Variants in AGTPBP1 observed in about 807,000 individuals in gnomAD.
AGTPBP1 encodes the protein ATP/GTP binding carboxypeptidase 1.
Under a neutral mutation model 143.9 loss-of-function variants are expected in AGTPBP1, and 70 were observed. The ratio of observed to expected loss-of-function variants is 0.49; its 90% CI spans 0.40 to 0.59. The LOEUF (loss-of-function observed/expected upper bound fraction) is 0.59. Among genes scored for constraint, AGTPBP1 ranks in the 20% least tolerant of loss-of-function variants. The probability of loss-of-function intolerance (pLI) is 0.00; values close to 1 mark genes in which losing one functional copy is unlikely to be tolerated. For synonymous variants in AGTPBP1, 463 were observed against 500.2 expected, an observed-to-expected ratio of 0.93 and a Z score of 0.99; for missense variants, 1,229 against 1,464.5, an observed-to-expected ratio of 0.84 and a Z score of 2.62.
rs147420569 is a variant in AGTPBP1 at position 85,723,009 on chromosome 9, G to C, written c.-33-10443C>G. Among the ~76,000 whole-genome samples the C allele has an allele frequency of 1.5e-3, 225 of 152,316 alleles. 1 individual carries two copies. Among genetic ancestry groups the C allele is most frequent in the African/African-American group, 5.1e-3 (210 of 41,574 alleles). On this transcript the variant is annotated intron_variant, in intron 1 of 25. Transcript: ENST00000357081. The stretch of plus-strand genomic sequence containing the variant: ...CTAGGTATCACCAGCAGAGGCTGCA[G>C]AACAGCAAATGCTGCTGCTTGATCC...
intron 17 of AGTPBP1, among the ~76,000 whole-genome samples, chr9:85,601,625 T>C (rs1829675844): frequency 2.6e-5 from 4 of 152,298 alleles, no homozygotes; most frequent in African/African-American, 9.6e-5. Context: ...GTCCCACCAC[T>C]GATCCTCTCA....
At chr9:85,663,919 GAATA>G (rs775827298) in intron 8 of AGTPBP1, among the ~76,000 whole-genome samples, 27 of 151,948 alleles carry the variant, frequency 1.8e-4, no homozygotes, top group Admixed American at 9.2e-4. Context: ...ATTAAGAGGT[GAATA>G]AATAAACAAA....
chr9:85,661,705 C>A (rs185255325), intron 8 of AGTPBP1, among the ~76,000 whole-genome samples: 1 of 152,208 alleles, frequency 6.6e-6, no homozygotes, highest in African/African-American at 2.4e-5. Flanking sequence ...TAAAAATACA[C>A]ATAATATCAC....
At chr9:85,778,997 A>G in the AGTPBP1 span, among the ~76,000 whole-genome samples, 1 of 152,110 alleles carries the variant, frequency 6.6e-6, no homozygotes, top group South Asian at 2.1e-4. Flanking sequence ...AGTGTTCTCC[A>G]TACTATTAGG....
intron 2 of AGTPBP1, among the ~76,000 whole-genome samples, chr9:85,710,547 C>G (rs1837297753): frequency 6.6e-6 from 1 of 152,000 alleles, no homozygotes; most frequent in Non-Finnish European, 1.5e-5. Context: ...GAGCTTTGAC[C>G]CTTTTCTATC....
chr9:85,801,243 C>T, the AGTPBP1 span, among the ~76,000 whole-genome samples: 3 of 152,046 alleles, frequency 2.0e-5, no homozygotes, highest in African/African-American at 4.8e-5. Flanking sequence ...ACCAGGGAGG[C>T]GGAAGTTGCA....
intron 1 of AGTPBP1, 98 bp from the exon 2 acceptor site, chr9:85,712,664 C>A: frequency 2.0e-6 from 1 of 496,120 alleles, no homozygotes; most frequent in Non-Finnish European, 3.3e-6. Flanking sequence ...TCATTATGGG[C>A]AACACAAGAT....
At chr9:85,547,915 T>G (rs906526680) in intron 25 of AGTPBP1, among the ~76,000 whole-genome samples, 3 of 152,178 alleles carry the variant, frequency 2.0e-5, no homozygotes, top group African/African-American at 7.2e-5. Flanking sequence ...ATGAAGTAGG[T>G]TGTTTGGGAC....
chr9:85,701,187 C>G (rs888448400), intron 2 of AGTPBP1, among the ~76,000 whole-genome samples: 2 of 151,750 alleles, frequency 1.3e-5, no homozygotes, highest in African/African-American at 4.8e-5. Context: ...GCTGGGATTA[C>G]AGACATGAGC....
the AGTPBP1 span, among the ~76,000 whole-genome samples, chr9:85,751,962 C>T: frequency 6.6e-6 from 1 of 151,108 alleles, no homozygotes; most frequent in African/African-American, 2.4e-5. Flanking sequence ...GGCATGGTGG[C>T]TCATGCTTGT....
chr9:85,801,928 G>C, the AGTPBP1 span, among the ~76,000 whole-genome samples: 3 of 151,980 alleles, frequency 2.0e-5, no homozygotes, highest in Non-Finnish European at 4.4e-5. Flanking sequence ...TCTTTGTGAG[G>C]GGTATGTGTA....
In AGTPBP1 at chr9:85,677,539, T is replaced by G. The variant is rs748306172; in HGVS notation, c.333A>C (p.Ser111=). Reference sequence around the variant, plus strand: ...TCATAAGTAACTGCAACAATATTTGTGAACCACCTTTGGTGACTAAGAAAC... The same window carrying G: ...TCATAAGTAACTGCAACAATATTTGGGAACCACCTTTGGTGACTAAGAAAC... ...RVSFLVTKGG[S]QILLQLLMNA... The change falls in exon 6 of 26, where the codon TCA becomes TCC. Residue 111 remains serine, a synonymous_variant. Coordinates refer to ENST00000357081, the MANE Select transcript of AGTPBP1 (RefSeq NM_001330701.2). The G allele has an allele frequency of 6.3e-7, 1 of 1,598,824 alleles. No individual in the cohort carries two copies. Among genetic ancestry groups the G allele is most frequent in the South Asian group, 1.1e-5 (1 of 88,672 alleles).
the AGTPBP1 span, among the ~76,000 whole-genome samples, chr9:85,763,736 C>G: frequency 6.8e-4 from 103 of 152,006 alleles, no homozygotes; most frequent in African/African-American, 2.3e-3. Context: ...GAAACATGGA[C>G]ATAAACACCA....
At chr9:85,571,902 A>T (rs1827491029) in intron 25 of AGTPBP1, among the ~76,000 whole-genome samples, 1 of 152,016 alleles carries the variant, frequency 6.6e-6, no homozygotes. Flanking sequence ...ATGGAGGAAG[A>T]AGTGACTAGT....
At chr9:85,696,191 T>C (rs1294699897) in intron 2 of AGTPBP1, among the ~76,000 whole-genome samples, 1 of 152,152 alleles carries the variant, frequency 6.6e-6, no homozygotes, top group Non-Finnish European at 1.5e-5. Context: ...AGCCTGTCAC[T>C]TCAAAGGAAA....
intron 18 of AGTPBP1, among the ~76,000 whole-genome samples, chr9:85,594,621 A>G (rs1829181246): frequency 6.6e-6 from 1 of 152,104 alleles, no homozygotes; most frequent in Admixed American, 6.6e-5. Flanking sequence ...ATAAATAAAC[A>G]TACCTCAGGC....
intron 22 of AGTPBP1, among the ~76,000 whole-genome samples, chr9:85,586,013 C>T (rs1330486671): frequency 2.6e-5 from 4 of 151,948 alleles, no homozygotes; most frequent in Non-Finnish European, 4.4e-5. Context: ...AGCATTTCGA[C>T]GCCAGCCTGA....
intron 2 of AGTPBP1, among the ~76,000 whole-genome samples, chr9:85,698,203 G>A (rs1233053862): frequency 6.6e-6 from 1 of 151,850 alleles, no homozygotes; most frequent in Non-Finnish European, 1.5e-5. Flanking sequence ...AGCTTGCTTT[G>A]CCAGTAACCC....
intron 11 of AGTPBP1, 66 bp from the exon 12 acceptor site, chr9:85,646,484 T>C (rs1832817522): frequency 9.3e-6 from 10 of 1,071,570 alleles, no homozygotes; most frequent in Non-Finnish European, 2.8e-6. Flanking sequence ...TAGCCAATGG[T>C]AGAATGTGAC....
Sources: gnomAD v4.1 joint callset for allele counts (sites outside exome capture counted in the v4.1 genomes callset) on GRCh38, gnomAD v4.1.1 for gene constraint, MANE v1.5 for transcripts, NCBI Gene and HGNC (gene_info 2026-07-23, HGNC 2026-07-21) for gene names.